The following PARM1 variants were observed in gnomAD, a reference collection of about 807,000 sequenced individuals.
The protein encoded by PARM1 is WSC4, cell wall integrity and stress response component 4 homolog.
PARM1 carries 14 observed loss-of-function variants against 24.6 expected under a neutral mutation model. The observed-to-expected ratio is 0.57, with a 90% CI of 0.38 to 0.89. The LOEUF (loss-of-function observed/expected upper bound fraction) is 0.89, where lower values mean the gene tolerates loss of function less well. PARM1 is among the 40% of genes least tolerant of loss of function. The pLI, the probability that PARM1 is intolerant of heterozygous loss-of-function variation, is 0.00. For synonymous variants in PARM1, 179 were observed against 156.6 expected, an observed-to-expected ratio of 1.14 and a Z score of -1.07; for missense variants, 362 against 380.4, an observed-to-expected ratio of 0.95 and a Z score of 0.40.
At position 75,002,116 on chromosome 4, in the gene PARM1, T is replaced by C. The variant is rs1004193761; in HGVS notation, c.44-10309T>C. Reference sequence around the variant, plus strand: ...CAGCTCTCTGGGGAACAAGGAGTCATGGATGGTGCAATTAGCTGAGGTAGA... The same window carrying C: ...CAGCTCTCTGGGGAACAAGGAGTCACGGATGGTGCAATTAGCTGAGGTAGA... On this transcript the variant is annotated intron_variant, in intron 1 of 3. Coordinates refer to ENST00000307428, the MANE Select transcript of PARM1 (RefSeq NM_015393.4). Among the ~76,000 whole-genome samples, 3 of 152,120 alleles carry C rather than the reference T, an allele frequency of 2.0e-5. No individual in the cohort carries two copies. In the East Asian group the frequency reaches 5.8e-4, roughly 29 times the overall value.
chr4:75,017,417 G>T (rs188224100), intron 2 of PARM1, among the ~76,000 whole-genome samples: 9 of 152,222 alleles, frequency 5.9e-5, no homozygotes, highest in Admixed American at 5.2e-4. Flanking sequence ...CTGTCTCAGG[G>T]ATTTTGCAGT....
chr4:74,999,982 T>A (rs1722646169), intron 1 of PARM1, among the ~76,000 whole-genome samples: 1 of 152,074 alleles, frequency 6.6e-6, no homozygotes, highest in African/African-American at 2.4e-5. Context: ...TGGATGCATC[T>A]GTGGGTGTGT....
intron 2 of PARM1, among the ~76,000 whole-genome samples, chr4:75,020,455 T>G (rs913592145): frequency 6.6e-6 from 1 of 151,586 alleles, no homozygotes; most frequent in African/African-American, 2.4e-5. Flanking sequence ...AGAGCTCCCA[T>G]AATCCCACCG....
intron 2 of PARM1, among the ~76,000 whole-genome samples, chr4:75,023,840 A>G (rs981303954): frequency 6.6e-6 from 1 of 152,232 alleles, no homozygotes; most frequent in African/African-American, 2.4e-5. Context: ...GAGGTTGGAC[A>G]GTTGAGACCT....
chr4:74,948,511 G>A (rs1225891022), intron 1 of PARM1, among the ~76,000 whole-genome samples: 1 of 152,182 alleles, frequency 6.6e-6, no homozygotes, highest in Non-Finnish European at 1.5e-5. Context: ...AAAAGCACAG[G>A]CACCAGGTGA....
chr4:74,939,902 G>C (rs1721269853), intron 1 of PARM1, among the ~76,000 whole-genome samples: 1 of 152,148 alleles, frequency 6.6e-6, no homozygotes, highest in Admixed American at 6.5e-5. Context: ...ATACACCTTT[G>C]ATGATAACAT....
intron 2 of PARM1, among the ~76,000 whole-genome samples, chr4:75,022,295 C>A (rs1374130616): frequency 6.6e-6 from 1 of 152,182 alleles, no homozygotes; most frequent in Non-Finnish European, 1.5e-5. Flanking sequence ...AAGATAAACT[C>A]TCATAAGGGG....
intron 1 of PARM1, among the ~76,000 whole-genome samples, chr4:74,973,583 G>A (rs1340029710): frequency 6.6e-6 from 1 of 152,026 alleles, no homozygotes; most frequent in East Asian, 1.9e-4. Context: ...CTGGAAGGCA[G>A]TACAAATTGA....
At chr4:74,951,330 T>C (rs747015362) in intron 1 of PARM1, among the ~76,000 whole-genome samples, 1 of 152,204 alleles carries the variant, frequency 6.6e-6, no homozygotes, top group Non-Finnish European at 1.5e-5. Context: ...TAGCAAAAAG[T>C]TGCAGGAGAT....
chr4:75,012,720 C>A lies in PARM1; in HGVS notation c.339C>A (p.Ser113Arg), dbSNP rs141560785. 4 of 1,613,942 alleles carry A rather than the reference C, an allele frequency of 2.5e-6. No individual in the cohort carries two copies. Among genetic ancestry groups the A allele is most frequent in the African/African-American group, 1.3e-5 (1 of 75,024 alleles). The change falls in exon 2 of 4, where the codon AGC becomes AGA. Residue 113 changes from serine to arginine, a missense_variant. Ser to Arg is a moderately radical substitution (Grantham distance 110, BLOSUM62 -1). Transcript: ENST00000307428. ...CACCTTCTGGGTTCTCGTCAACAAG[C>A]GGTGGAGTCCACTTAACAACCACGT... Reference protein sequence around the residue: ...DPSPSGFSSTSGGVHLTTTLE... With the variant: ...DPSPSGFSSTRGGVHLTTTLE...
chr4:74,979,146 AC>A (rs1218262627), intron 1 of PARM1, among the ~76,000 whole-genome samples: 1 of 151,756 alleles, frequency 6.6e-6, no homozygotes, highest in African/African-American at 2.4e-5. Context: ...ACACACACAC[AC>A]AAAAAAAAAC....
At chr4:75,001,158 A>AAAG (rs1236202567) in intron 1 of PARM1, among the ~76,000 whole-genome samples, 1 of 152,232 alleles carries the variant, frequency 6.6e-6, no homozygotes, top group African/African-American at 2.4e-5. Context: ...AAGCATTAGA[A>AAAG]AAGAGTTACT....
At chr4:75,019,926 C>T (rs1723057304) in intron 2 of PARM1, among the ~76,000 whole-genome samples, 1 of 147,768 alleles carries the variant, frequency 6.8e-6, no homozygotes, top group Admixed American at 6.9e-5. Context: ...TGGCGTGAAC[C>T]CAGGAAGCGG....
intron 2 of PARM1, among the ~76,000 whole-genome samples, chr4:75,015,521 A>T (rs182608032): frequency 1.3e-5 from 2 of 152,322 alleles, no homozygotes; most frequent in Non-Finnish European, 2.9e-5. Flanking sequence ...TTTAGATTGC[A>T]TTTACCAAGA....
rs932400854 is a variant in PARM1 at position 75,016,381 on chromosome 4, T to C, written c.769+3231T>C. On this transcript the variant is annotated intron_variant, in intron 2 of 3. Coordinates refer to ENST00000307428, the MANE Select transcript of PARM1 (RefSeq NM_015393.4). Reference sequence around the variant, plus strand: ...CTACATTGCCAGATCTAAGGGTAAATTCTTAGATCTTTTTTTTGTTTGTTT... The same window carrying C: ...CTACATTGCCAGATCTAAGGGTAAACTCTTAGATCTTTTTTTTGTTTGTTT... Among the ~76,000 whole-genome samples the C allele has an allele frequency of 7.9e-5, 12 of 152,306 alleles. No homozygotes were observed. The East Asian group carries it at 1.4e-3, about 17-fold the overall frequency.
At chr4:74,998,881 C>T (rs1413428327) in intron 1 of PARM1, among the ~76,000 whole-genome samples, 2 of 152,172 alleles carry the variant, frequency 1.3e-5, no homozygotes, top group African/African-American at 4.8e-5. Context: ...AAAATAAAAC[C>T]CGAAGGCTCT....
At chr4:74,947,011 C>G (rs902150825) in intron 1 of PARM1, among the ~76,000 whole-genome samples, 3 of 152,092 alleles carry the variant, frequency 2.0e-5, no homozygotes, top group Non-Finnish European at 4.4e-5. Flanking sequence ...GTTATTCCAG[C>G]TAATAAATGA....
chr4:74,981,770 G>C (rs1481224888), intron 1 of PARM1, among the ~76,000 whole-genome samples: 1 of 151,726 alleles, frequency 6.6e-6, no homozygotes, highest in African/African-American at 2.4e-5. Context: ...AGCTACTCAG[G>C]AGGCTGAGGC....
rs184110577 is a variant in PARM1 at position 74,988,487 on chromosome 4, G to A, written c.44-23938G>A. 2.5e-3 allele frequency among the ~76,000 whole-genome samples: 383 copies of A among 152,264 alleles called. 5 individuals are homozygous for A. The highest frequency in any genetic ancestry group is 8.5e-3 in the African/African-American group (352 of 41,558). The stretch of plus-strand genomic sequence containing the variant: ...GGGAGAGATAAGAGAGACATGGGAA[G>A]ATGACCATAACTCAGTAAACTCTGT... On this transcript the variant is annotated intron_variant, in intron 1 of 3. Coordinates refer to ENST00000307428, the MANE Select transcript of PARM1 (RefSeq NM_015393.4).
Sources: allele counts gnomAD v4.1 joint callset (sites outside exome capture counted in the v4.1 genomes callset), GRCh38; gene constraint gnomAD v4.1.1; transcripts MANE v1.5; gene names NCBI Gene and HGNC (gene_info 2026-07-23, HGNC 2026-07-21).